SCAPER: variants seen among roughly 807,000 people sequenced by gnomAD.
SCAPER encodes S phase cyclin A-associated protein in the endoplasmic reticulum.
SCAPER carries 98 observed loss-of-function variants against 182.2 expected under a neutral mutation model. The ratio of observed to expected loss-of-function variants is 0.54; its 90% CI spans 0.46 to 0.64. The LOEUF is 0.64. Ranked by LOEUF, SCAPER falls within the 30% of genes least tolerant of loss-of-function variation. SCAPER has a pLI of 0.00. For synonymous variants in SCAPER, 605 were observed against 564.6 expected, an observed-to-expected ratio of 1.07 and a Z score of -1.01; for missense variants, 1,432 against 1,690.0, an observed-to-expected ratio of 0.85 and a Z score of 2.68.
chr15:76,482,891 GGGTA>G (rs2051264552), intron 24 of SCAPER, among the ~76,000 whole-genome samples: 1 of 152,042 alleles, frequency 6.6e-6, no homozygotes, highest in Non-Finnish European at 1.5e-5. Flanking sequence ...CCATATTCAT[GGGTA>G]GGAAGACTCA....
intron 26 of SCAPER, among the ~76,000 whole-genome samples, chr15:76,418,276 C>G (rs1164752813): frequency 6.6e-6 from 1 of 152,190 alleles, no homozygotes; most frequent in Non-Finnish European, 1.5e-5. Context: ...GCCACACTGT[C>G]TTCCCTGCTG....
At chr15:76,567,477 C>A in intron 23 of SCAPER, 1 of 350,128 alleles carries the variant, frequency 2.9e-6, no homozygotes, top group South Asian at 2.3e-5. Context: ...ACATGGTAGG[C>A]TCAACTTATG....
intron 29 of SCAPER, among the ~76,000 whole-genome samples, chr15:76,374,137 C>A (rs973182408): frequency 6.6e-6 from 1 of 151,998 alleles, no homozygotes; most frequent in East Asian, 1.9e-4. Context: ...CACCTGTAAT[C>A]CCAGTACTTT....
chr15:76,514,359 A>G (rs1362143024), intron 23 of SCAPER, among the ~76,000 whole-genome samples: 1 of 152,118 alleles, frequency 6.6e-6, no homozygotes, highest in Non-Finnish European at 1.5e-5. Context: ...CATTCTAATA[A>G]CCCCACTTAG....
At chr15:76,896,951 A>C (rs550073687) in intron 1 of SCAPER, among the ~76,000 whole-genome samples, 3 of 151,990 alleles carry the variant, frequency 2.0e-5, no homozygotes, top group South Asian at 2.1e-4. Flanking sequence ...ATCTCTAAAA[A>C]TATTAATTTT....
At chr15:76,444,588 T>C (rs1042134308) in intron 25 of SCAPER, among the ~76,000 whole-genome samples, 1 of 152,236 alleles carries the variant, frequency 6.6e-6, no homozygotes. Context: ...ATTCTGTTTG[T>C]GGTCTGCTCT....
intron 21 of SCAPER, among the ~76,000 whole-genome samples, chr15:76,647,300 T>G (rs2054627270): frequency 6.6e-6 from 1 of 152,224 alleles, no homozygotes; most frequent in Non-Finnish European, 1.5e-5. Context: ...GCCTTGACAA[T>G]TTTTGCTTCC....
intron 20 of SCAPER, among the ~76,000 whole-genome samples, chr15:76,675,119 G>A (rs896700049): frequency 3.2e-4 from 49 of 152,280 alleles, no homozygotes; most frequent in Non-Finnish European, 6.2e-4. Context: ...GTAAGTGGAG[G>A]TTCATCATAC....
At chr15:76,826,220 T>C (rs1045098106) in intron 5 of SCAPER, among the ~76,000 whole-genome samples, 1 of 152,024 alleles carries the variant, frequency 6.6e-6, no homozygotes, top group Admixed American at 6.6e-5. Context: ...CACCATGGAA[T>C]ACTATGCAGT....
intron 7 of SCAPER, among the ~76,000 whole-genome samples, chr15:76,799,560 A>G (rs563035962): frequency 3.3e-5 from 5 of 152,032 alleles, no homozygotes; most frequent in Admixed American, 6.5e-5. Flanking sequence ...CTTTTTATAT[A>G]GACAATTTCA....
intron 5 of SCAPER, among the ~76,000 whole-genome samples, chr15:76,825,245 C>A (rs777802801): frequency 6.6e-6 from 1 of 152,016 alleles, no homozygotes; most frequent in Non-Finnish European, 1.5e-5. Context: ...AGGTTGAATA[C>A]AATTTGGTGA....
intron 11 of SCAPER, among the ~76,000 whole-genome samples, chr15:76,766,092 T>C (rs916141494): frequency 1.3e-5 from 2 of 151,580 alleles, no homozygotes; most frequent in African/African-American, 4.8e-5. Flanking sequence ...TTTATTTATT[T>C]ATTTATTTAT....
At chr15:76,691,382 A>G (rs1251869272) in intron 20 of SCAPER, among the ~76,000 whole-genome samples, 1 of 152,124 alleles carries the variant, frequency 6.6e-6, no homozygotes, top group African/African-American at 2.4e-5. Flanking sequence ...ATATTTAAAT[A>G]ATGTCTGCTC....
chr15:76,792,000 G>A (rs1484425610), intron 8 of SCAPER, among the ~76,000 whole-genome samples: 1 of 149,762 alleles, frequency 6.7e-6, no homozygotes, highest in Admixed American at 6.6e-5. Context: ...GAGGGGACTT[G>A]GGTGATCTGC....
At chr15:76,584,294 T>G (rs2048472086) in intron 22 of SCAPER, among the ~76,000 whole-genome samples, 2 of 152,170 alleles carry the variant, frequency 1.3e-5, no homozygotes, top group South Asian at 4.1e-4. Flanking sequence ...GAAGTGTGTG[T>G]CATTAATAAG....
chr15:76,406,823 G>A lies in SCAPER; in HGVS notation c.3312-2144C>T, dbSNP rs959681944. On this transcript the variant is annotated intron_variant, in intron 26 of 31. Coordinates refer to ENST00000563290, the MANE Select transcript of SCAPER (RefSeq NM_020843.4). ...TTAAAGATGCTACCTGCTTGCTAAT[G>A]CAGGAGTGAGCATGTGCTTCAGGAC... Among the ~76,000 whole-genome samples the A allele has an allele frequency of 1.1e-4, 16 of 152,274 alleles. No homozygotes were observed. In the South Asian group the frequency reaches 1.9e-3, roughly 18 times the overall value.
intron 4 of SCAPER, among the ~76,000 whole-genome samples, chr15:76,853,074 C>G (rs1475787793): frequency 6.6e-6 from 1 of 152,080 alleles, no homozygotes; most frequent in Non-Finnish European, 1.5e-5. Flanking sequence ...ACTGGAAAAC[C>G]TAGAAGAGAT....
chr15:76,670,969 A>T (rs1269075148), intron 20 of SCAPER, among the ~76,000 whole-genome samples: 1 of 152,202 alleles, frequency 6.6e-6, no homozygotes, highest in African/African-American at 2.4e-5. Flanking sequence ...AAAGCATGTA[A>T]AAAGAAGCTT....
intron 5 of SCAPER, among the ~76,000 whole-genome samples, chr15:76,822,736 C>A (rs1568254853): frequency 1.3e-5 from 2 of 152,112 alleles, no homozygotes; most frequent in African/African-American, 4.8e-5. Flanking sequence ...ATTTTTGGTA[C>A]TGATCACTGA....
Sources: gnomAD v4.1 joint callset for allele counts (sites outside exome capture counted in the v4.1 genomes callset) on GRCh38, gnomAD v4.1.1 for gene constraint, MANE v1.5 for transcripts, NCBI Gene and HGNC (gene_info 2026-07-23, HGNC 2026-07-21) for gene names.